The following RTN4R variants were observed in gnomAD, a reference collection of about 807,000 sequenced individuals.
RTN4R encodes reticulon 4 receptor, also known as reticulon-4 receptor.
Under a neutral mutation model 27.7 loss-of-function variants are expected in RTN4R, and 4 were observed. That is an observed-to-expected ratio of 0.14 (90% CI 0.07 to 0.33). RTN4R has a LOEUF of 0.33. Among genes scored for constraint, RTN4R ranks in the 10% least tolerant of loss-of-function variants. The pLI, the probability that RTN4R is intolerant of heterozygous loss-of-function variation, is 1.00. For synonymous variants in RTN4R, 290 were observed against 305.6 expected, an observed-to-expected ratio of 0.95 and a Z score of 0.53; for missense variants, 554 against 671.5, an observed-to-expected ratio of 0.83 and a Z score of 1.93.
chr22:20,243,759 C>T (rs2051124038), intron 1 of RTN4R: 2 of 327,858 alleles, frequency 6.1e-6, no homozygotes, highest in Admixed American at 4.5e-5. Context: ...ATTCTCTGCT[C>T]CATCTCCTCC....
Position 20,242,565 on chromosome 22 carries a change from T to C in RTN4R, c.568A>G (p.Ile190Val). 1 of 1,613,476 alleles carries C rather than the reference T, an allele frequency of 6.2e-7. No homozygotes were observed. The change falls in exon 2 of 2, where the codon ATC (isoleucine) becomes GTC (valine). Residue 190 changes from isoleucine (I) to valine (V), a missense_variant. Coordinates refer to ENST00000043402, the MANE Select transcript of RTN4R (RefSeq NM_023004.6). ...AAGGCGCGCTCGGGCACGCTGGAGA[T>C]GCGGTTGCCGTGCAGGAAGAGGTGT... Reference protein sequence around the residue: ...LTHLFLHGNRISSVPERAFRG... With the variant: ...LTHLFLHGNRVSSVPERAFRG...
At chr22:20,253,301 C>T (rs1041480945) in intron 1 of RTN4R, among the ~76,000 whole-genome samples, 9 of 152,200 alleles carry the variant, frequency 5.9e-5, no homozygotes, top group Non-Finnish European at 1.0e-4. Context: ...ATGAGAGACC[C>T]GGCCTGTGCT....
intron 1 of RTN4R, among the ~76,000 whole-genome samples, chr22:20,254,890 C>G (rs1279506445): frequency 1.3e-5 from 2 of 152,092 alleles, no homozygotes; most frequent in Non-Finnish European, 2.9e-5. Flanking sequence ...CCAAGGAAAA[C>G]AAAAGGCCAT....
chr22:20,242,593 G>A lies in RTN4R; in HGVS notation c.540C>T (p.Leu180=). 1 of 1,613,252 alleles carries A rather than the reference G, an allele frequency of 6.2e-7. No individual in the cohort carries two copies. The highest frequency in any genetic ancestry group is 8.5e-7 in the Non-Finnish European group (1 of 1,179,920). The change falls in exon 2 of 2, where the codon CTC becomes CTT. Residue 180 remains leucine (L), a synonymous_variant. Coordinates refer to ENST00000043402, the MANE Select transcript of RTN4R (RefSeq NM_023004.6). ...GGTTGCCGTGCAGGAAGAGGTGTGT[G>A]AGGTTGCCCAGGTCGCGGAAGGTGT... ...PDDTFRDLGN[L]THLFLHGNRI...
chr22:20,253,181 A>G (rs2051194268), intron 1 of RTN4R, among the ~76,000 whole-genome samples: 1 of 152,228 alleles, frequency 6.6e-6, no homozygotes. Flanking sequence ...GGCAGCAGCC[A>G]GGCTGTGCTA....
In RTN4R at chr22:20,242,825, C is replaced by G. The variant is rs368392541; in HGVS notation, c.308G>C (p.Gly103Ala). Residue 103 changes from glycine to alanine, a missense_variant, in exon 2 of 2, where the codon GGC becomes GCC. Gly to Ala is a moderately conservative substitution (Grantham distance 60). This residue lies in a region of RTN4R where 413 missense variants were observed against 542.3 expected (regional missense o/e 0.76). Transcript: ENST00000043402. The stretch of plus-strand genomic sequence containing the variant: ...GTCCAGCTGCTCCAGGAGGGCCAGG[C>G]CAGTGAAGGCAGCCGCATCAATTCG... ...LARIDAAAFT[G>A]LALLEQLDLS... 1.9e-6 allele frequency: 3 copies of G among 1,612,882 alleles called. No individual in the cohort carries two copies. The African/African-American group carries it at 4.0e-5, about 22-fold the overall frequency.
At chr22:20,245,063 C>T (rs997709781) in intron 1 of RTN4R, among the ~76,000 whole-genome samples, 2 of 152,226 alleles carry the variant, frequency 1.3e-5, no homozygotes, top group East Asian at 1.9e-4. Context: ...GAGCCCTGTG[C>T]TCATGGATCT....
At chr22:20,256,303 G>T (rs955136565) in intron 1 of RTN4R, among the ~76,000 whole-genome samples, 1 of 152,180 alleles carries the variant, frequency 6.6e-6, no homozygotes, top group Non-Finnish European at 1.5e-5. Flanking sequence ...GTCATCAGGG[G>T]TCAGGGGGCC....
At chr22:20,262,471 T>G (rs2051253614) in intron 1 of RTN4R, among the ~76,000 whole-genome samples, 1 of 152,162 alleles carries the variant, frequency 6.6e-6, no homozygotes, top group South Asian at 2.1e-4. Flanking sequence ...AACTGGGGAC[T>G]GTGGACTCCC....
Position 20,249,134 on chromosome 22 carries a change from T to C in RTN4R, c.23-6024A>G, listed in dbSNP as rs768168612. The C allele has an allele frequency of 1.3e-5, 7 of 534,358 alleles. No homozygotes were observed. In the East Asian group the frequency reaches 3.3e-4, roughly 25 times the overall value. The allele number at this position is 534,358 out of a possible 1,614,324, so 33.1% of individuals were successfully genotyped here. A position where few individuals can be genotyped will look rare whatever the true frequency, so the allele number is the denominator to read the frequency against. On this transcript the variant is annotated intron_variant, in intron 1 of 1. Transcript: ENST00000043402. ...TGCTGCCTAATTATCTGGAGAATCCTGTCTCCACCAAGGGCTCATCTTGGT... is the reference window on the plus strand; with the variant it reads ...TGCTGCCTAATTATCTGGAGAATCCCGTCTCCACCAAGGGCTCATCTTGGT...
chr22:20,247,437 T>C (rs2051147863), intron 1 of RTN4R, among the ~76,000 whole-genome samples: 1 of 151,198 alleles, frequency 6.6e-6, no homozygotes, highest in African/African-American at 2.4e-5. Context: ...CCACGCCTGC[T>C]CCCCACTCCT....
intron 1 of RTN4R, among the ~76,000 whole-genome samples, chr22:20,263,330 G>A (rs2051258481): frequency 6.6e-6 from 1 of 152,170 alleles, no homozygotes; most frequent in Non-Finnish European, 1.5e-5. Flanking sequence ...GAGGTACATC[G>A]CATAGGGGTG....
At chr22:20,267,077 G>A (rs991597185) in intron 1 of RTN4R, among the ~76,000 whole-genome samples, 5 of 152,218 alleles carry the variant, frequency 3.3e-5, no homozygotes, top group Non-Finnish European at 7.3e-5. Context: ...CATGCCGCGT[G>A]CATGCATGTG....
At position 20,255,362 on chromosome 22, in the gene RTN4R, G is replaced by T. The variant is rs1029053996; in HGVS notation, c.23-12252C>A. ...TCCAAGGTGCAGGAGGAGAGCGAGG[G>T]ACAGTGAGAGCTCAAGAGCACCTGG... On this transcript the variant is annotated intron_variant, in intron 1 of 1. Coordinates refer to ENST00000043402, the MANE Select transcript of RTN4R (RefSeq NM_023004.6). The surrounding 1 kb of genome is among the most constrained non-coding windows in gnomAD (Gnocchi z 4.8). Among the ~76,000 whole-genome samples the T allele has an allele frequency of 6.6e-6, 1 of 152,218 alleles. No individual in the cohort carries two copies. The highest frequency in any genetic ancestry group is 2.4e-5 in the African/African-American group (1 of 41,456).
At position 20,255,926 on chromosome 22, in the gene RTN4R, G is replaced by A. The variant is rs1022136358; in HGVS notation, c.22+12145C>T. 5.3e-5 allele frequency among the ~76,000 whole-genome samples: 8 copies of A among 152,348 alleles called. No individual in the cohort carries two copies. In the East Asian group the frequency reaches 7.7e-4, roughly 15 times the overall value. ...AACCAAACCGAGGCACGCACGCAGCGGCGACGTGAATAAGTAATTGCTCTT... is the reference window on the plus strand; with the variant it reads ...AACCAAACCGAGGCACGCACGCAGCAGCGACGTGAATAAGTAATTGCTCTT... On this transcript the variant is annotated intron_variant, in intron 1 of 1. Transcript: ENST00000043402. The surrounding 1 kb of genome is among the most constrained non-coding windows in gnomAD (Gnocchi z 4.8).
rs765225154 is a variant in RTN4R, at chr22:20,255,413, T to G, written c.23-12303A>C. 2.6e-5 allele frequency among the ~76,000 whole-genome samples: 4 copies of G among 152,208 alleles called. No individual in the cohort carries two copies. The East Asian group carries it at 5.8e-4, about 22-fold the overall frequency. ...ACATACAGCCCCAGGGCAGCTGGCA[T>G]CTGGCCAGGGAGGATCCACATGCTG... On this transcript the variant is annotated intron_variant, in intron 1 of 1. Transcript: ENST00000043402. This position sits in a 1 kb window ranked among gnomAD's most constrained non-coding sequence, Gnocchi z 4.8.
chr22:20,261,026 C>T (rs985915958), intron 1 of RTN4R, among the ~76,000 whole-genome samples: 1 of 152,204 alleles, frequency 6.6e-6, no homozygotes, highest in South Asian at 2.1e-4. Context: ...CTGGCATGAA[C>T]TAACGTGTCT....
Position 20,268,085 on chromosome 22 carries a change from C to G in RTN4R, c.8G>C (p.Arg3Thr), listed in dbSNP as rs1236074503. The stretch of plus-strand genomic sequence containing the variant: ...CGGACACTCACCTCCAGCGGACGCC[C>G]TCTTCATCGTAGGGGTTGGGCGGGG... MK[R>T]ASAGGSRLLA... Residue 3 changes from arginine (R) to threonine (T), a missense_variant, in exon 1 of 2, where the codon AGG becomes ACG. By Grantham distance (71) the Arg-to-Thr change is moderately conservative. Transcript: ENST00000043402. The G allele has an allele frequency of 2.8e-5, 33 of 1,199,904 alleles. No individual in the cohort carries two copies. Among genetic ancestry groups the G allele is most frequent in the Non-Finnish European group, 3.4e-5 (33 of 963,812 alleles). 74.3% of individuals were successfully genotyped at this position (1,199,904 alleles called of 1,614,324 possible).
At chr22:20,257,660 G>A (rs1056525587) in intron 1 of RTN4R, among the ~76,000 whole-genome samples, 1 of 152,240 alleles carries the variant, frequency 6.6e-6, no homozygotes, top group African/African-American at 2.4e-5. Flanking sequence ...ATGGCAGCTT[G>A]ATCAGACTAA....
Sources: allele counts gnomAD v4.1 joint callset (sites outside exome capture counted in the v4.1 genomes callset), GRCh38; gene constraint gnomAD v4.1.1; regional missense constraint gnomAD v4.1.1; non-coding constraint Gnocchi (gnomAD v3.1); transcripts MANE v1.5; gene names NCBI Gene and HGNC (gene_info 2026-07-23, HGNC 2026-07-21).